The following GNB4 variants were observed in gnomAD, a reference collection of about 807,000 sequenced individuals.
GNB4 encodes guanine nucleotide-binding protein subunit beta-4.
Under a neutral mutation model 45.2 loss-of-function variants are expected in GNB4, and 28 were observed. That is an observed-to-expected ratio of 0.62 (90% CI 0.46 to 0.85). The LOEUF is 0.85. Ranked by LOEUF, GNB4 falls within the 40% of genes least tolerant of loss-of-function variation. The pLI, the probability that GNB4 is intolerant of heterozygous loss-of-function variation, is 0.00. For missense variants in GNB4, 321 were observed against 425.4 expected, an observed-to-expected ratio of 0.75 and a Z score of 2.16; for synonymous variants, 132 against 143.7, an observed-to-expected ratio of 0.92 and a Z score of 0.58.
the GNB4 span, among the ~76,000 whole-genome samples, chr3:179,489,037 TATATATATAA>T: frequency 4.1e-4 from 31 of 75,610 alleles, 3 homozygotes; most frequent in Non-Finnish European, 6.0e-4. Context: ...TATATATATA[TATATATATAA>T]TATATATGTA....
the GNB4 span, among the ~76,000 whole-genome samples, chr3:179,479,572 C>T: frequency 5.3e-5 from 8 of 152,084 alleles, no homozygotes; most frequent in African/African-American, 1.4e-4. Flanking sequence ...GGAAGCAATG[C>T]CTTAATTGCA....
the GNB4 span, among the ~76,000 whole-genome samples, chr3:179,497,651 C>G: frequency 6.6e-6 from 1 of 151,868 alleles, no homozygotes; most frequent in Non-Finnish European, 1.5e-5. Flanking sequence ...ATACATAACT[C>G]TAAAAGTCCT....
chr3:179,433,567 T>G (rs943886320), intron 1 of GNB4, among the ~76,000 whole-genome samples: 6 of 150,300 alleles, frequency 4.0e-5, no homozygotes, highest in Admixed American at 1.3e-4. Context: ...ATCACACCAC[T>G]GCACTCAAAC....
Position 179,420,884 on chromosome 3 carries a change from T to C in GNB4, c.96+5A>G. On this transcript the variant is annotated splice_donor_5th_base_variant and intron_variant, in intron 3 of 9. Coordinates refer to ENST00000232564, the MANE Select transcript of GNB4 (RefSeq NM_021629.4). ...AAAATGAAATAAAGAAAAACAAAAC[T>C]TTACCTGAACAAGCGTTGCATCATT... 6.4e-7 allele frequency: 1 copy of C among 1,574,298 alleles called. No homozygotes were observed.
At chr3:179,474,793 C>A in the GNB4 span, among the ~76,000 whole-genome samples, 3 of 113,630 alleles carry the variant, frequency 2.6e-5, no homozygotes, top group Admixed American at 2.4e-4. Context: ...AATATGTCAT[C>A]CCCACTGGAG....
the GNB4 span, among the ~76,000 whole-genome samples, chr3:179,493,893 A>G: frequency 6.6e-6 from 1 of 152,222 alleles, no homozygotes; most frequent in African/African-American, 2.4e-5. Flanking sequence ...AAGACATAAG[A>G]AATTCTATTT....
chr3:179,480,465 TCTC>T, the GNB4 span, among the ~76,000 whole-genome samples: 1 of 152,042 alleles, frequency 6.6e-6, no homozygotes, highest in African/African-American at 2.4e-5. Flanking sequence ...AGTCTTTACT[TCTC>T]CTTCTCTCCA....
At chr3:179,492,883 G>A in the GNB4 span, among the ~76,000 whole-genome samples, 1 of 152,180 alleles carries the variant, frequency 6.6e-6, no homozygotes, top group African/African-American at 2.4e-5. Context: ...AACATCCTTT[G>A]CTGCCACAGC....
Position 179,400,934 on chromosome 3 carries a change from C to A in GNB4, c.*279G>T. The A allele has an allele frequency of 3.5e-6, 1 of 287,866 alleles. No homozygotes were observed. Among genetic ancestry groups the A allele is most frequent in the Non-Finnish European group, 6.4e-6 (1 of 155,522 alleles). 17.8% of individuals were successfully genotyped at this position (287,866 alleles called of 1,614,324 possible). A position where few individuals can be genotyped will look rare whatever the true frequency, so the allele number is the denominator to read the frequency against. On this transcript the variant is annotated 3_prime_UTR_variant, in exon 10 of 10. Coordinates refer to ENST00000232564, the MANE Select transcript of GNB4 (RefSeq NM_021629.4). ...TATAATGTGTACATTCTGTTCTACA[C>A]AAAGAAAATACACTCTGAGTACACA...
chr3:179,425,486 T>C (rs1715115385), intron 2 of GNB4, among the ~76,000 whole-genome samples: 1 of 152,202 alleles, frequency 6.6e-6, no homozygotes, highest in Non-Finnish European at 1.5e-5. Context: ...GTTTTGTTTT[T>C]CTGAGACAGA....
At chr3:179,483,473 T>TCAGTTA in the GNB4 span, among the ~76,000 whole-genome samples, 1 of 152,130 alleles carries the variant, frequency 6.6e-6, no homozygotes, top group Non-Finnish European at 1.5e-5. Flanking sequence ...AATATAGTTA[T>TCAGTTA]TATAGCTGAG....
Position 179,397,903 on chromosome 3 carries a change from G to C in GNB4, c.*3310C>G, listed in dbSNP as rs1365556369. 1.3e-5 allele frequency: 2 copies of C among 152,260 alleles called. No individual in the cohort carries two copies. Among genetic ancestry groups the C allele is most frequent in the Non-Finnish European group, 2.9e-5 (2 of 68,068 alleles). The allele number at this position is 152,260 out of a possible 1,614,324, so 9.4% of individuals were successfully genotyped here. A position where few individuals can be genotyped will look rare whatever the true frequency, so the allele number is the denominator to read the frequency against. On this transcript the variant is annotated 3_prime_UTR_variant, in exon 10 of 10. Transcript: ENST00000232564. ...CCACCTCCACGCCCGGCTAATTTTT[G>C]TATTTTTAGTAGAGATGGGGTTTCA... is the stretch of plus-strand genomic sequence containing the variant.
the GNB4 span, among the ~76,000 whole-genome samples, chr3:179,457,631 G>A: frequency 6.6e-6 from 1 of 152,128 alleles, no homozygotes; most frequent in Non-Finnish European, 1.5e-5. Context: ...TCATTCTTCT[G>A]TAAGTAGTTA....
chr3:179,424,233 A>C (rs993791973), intron 2 of GNB4, among the ~76,000 whole-genome samples: 62 of 152,214 alleles, frequency 4.1e-4, no homozygotes, highest in African/African-American at 1.5e-3. Flanking sequence ...GGATTAAATG[A>C]GATAGGCATG....
chr3:179,513,522 T>C, the GNB4 span, among the ~76,000 whole-genome samples: 1 of 152,084 alleles, frequency 6.6e-6, no homozygotes, highest in Non-Finnish European at 1.5e-5. Context: ...TTATCAGCTG[T>C]ACATGTACAT....
chr3:179,506,122 C>T, the GNB4 span, among the ~76,000 whole-genome samples: 1 of 152,150 alleles, frequency 6.6e-6, no homozygotes, highest in Non-Finnish European at 1.5e-5. Context: ...GCAGGAGGAT[C>T]GCTTGAGCTT....
At chr3:179,423,935 T>G (rs542740548) in intron 2 of GNB4, among the ~76,000 whole-genome samples, 7 of 151,112 alleles carry the variant, frequency 4.6e-5, no homozygotes, top group African/African-American at 1.7e-4. Context: ...TGAGAAAGAG[T>G]AATGCGTGTT....
At chr3:179,523,923 G>A in the GNB4 span, among the ~76,000 whole-genome samples, 1 of 152,142 alleles carries the variant, frequency 6.6e-6, no homozygotes, top group African/African-American at 2.4e-5. Flanking sequence ...AGCTGGGCAG[G>A]TGGGGATAAC....
chr3:179,489,437 G>A, the GNB4 span, among the ~76,000 whole-genome samples: 1 of 151,932 alleles, frequency 6.6e-6, no homozygotes, highest in African/African-American at 2.4e-5. Flanking sequence ...GGGAGTTCAA[G>A]ACCAGCCTGG....
Sources: gnomAD v4.1 joint callset for allele counts (sites outside exome capture counted in the v4.1 genomes callset) on GRCh38, gnomAD v4.1.1 for gene constraint, MANE v1.5 for transcripts, NCBI Gene and HGNC (gene_info 2026-07-23, HGNC 2026-07-21) for gene names.